THAP5: variants seen among roughly 807,000 people sequenced by gnomAD.
THAP5 encodes the protein THAP domain containing 5.
In THAP5, 26 loss-of-function variants were observed where a neutral mutation model predicts 34.0. The ratio of observed to expected loss-of-function variants is 0.77; its 90% CI spans 0.56 to 1.06. THAP5 has a LOEUF of 1.06. Among genes scored for constraint, THAP5 ranks in the 50% least tolerant of loss-of-function variants. The pLI is 0.00. For missense variants in THAP5, 394 were observed against 452.8 expected (o/e 0.87, Z 1.18); for synonymous variants, 125 against 153.0 (o/e 0.82, Z 1.35).
intron 1 of THAP5, among the ~76,000 whole-genome samples, chr7:108,556,515 A>G (rs768583923): frequency 6.6e-6 from 1 of 152,224 alleles, no homozygotes; most frequent in Non-Finnish European, 1.5e-5. Flanking sequence ...TGCAAGTCCA[A>G]AACCAAGCAG....
downstream of THAP5, among the ~76,000 whole-genome samples, chr7:108,554,071 C>G (rs1864370544): frequency 6.6e-6 from 1 of 152,184 alleles, no homozygotes; most frequent in Non-Finnish European, 1.5e-5. Flanking sequence ...CCCTAACTTT[C>G]CCTCTCTTTG....
At chr7:108,566,781 C>T (rs905248950) in intron 1 of THAP5, among the ~76,000 whole-genome samples, 1 of 152,154 alleles carries the variant, frequency 6.6e-6, no homozygotes, top group African/African-American at 2.4e-5. Context: ...TGTTCCTGTA[C>T]CTGACAATAA....
At chr7:108,558,632 G>A (rs1279647408), downstream of THAP5, among the ~76,000 whole-genome samples, 6 of 151,552 alleles carry the variant, frequency 4.0e-5, no homozygotes, top group African/African-American at 7.3e-5. Flanking sequence ...TCCTGATCTC[G>A]TGATCCGCCA....
chr7:108,564,141 T>A lies in THAP5; in HGVS notation c.*50A>T. The stretch of plus-strand genomic sequence containing the variant: ...CAGTTCACTTTACATGTAGTTTGGT[T>A]TGGCTGGAAAAAGCTTATTTAACAG... On this transcript the variant is annotated 3_prime_UTR_variant, in exon 3 of 3. Coordinates refer to ENST00000415914, the MANE Select transcript of THAP5 (RefSeq NM_001130475.3). The A allele has an allele frequency of 7.0e-7, 1 of 1,426,276 alleles. No individual in the cohort carries two copies. The highest frequency in any genetic ancestry group is 9.5e-7 in the Non-Finnish European group (1 of 1,055,080). 88.4% of individuals were successfully genotyped at this position (1,426,276 alleles called of 1,614,324 possible). A position where few individuals can be genotyped will look rare whatever the true frequency, so the allele number is the denominator to read the frequency against.
At position 108,564,068 on chromosome 7, in the gene THAP5, T is replaced by C. The variant is rs1473796747; in HGVS notation, c.*123A>G. On this transcript the variant is annotated 3_prime_UTR_variant, in exon 3 of 3. Coordinates refer to ENST00000415914, the MANE Select transcript of THAP5 (RefSeq NM_001130475.3). ...CAAGAATAGGATACAGTTCATAACT[T>C]TACAACACTCTCATAGGTTCATTAA... The C allele has an allele frequency of 1.3e-5, 10 of 778,696 alleles. No homozygotes were observed. Among genetic ancestry groups the C allele is most frequent in the Middle Eastern group, 3.3e-4 (1 of 3,060 alleles). The allele number at this position is 778,696 out of a possible 1,614,324, so 48.2% of individuals were successfully genotyped here. A position where few individuals can be genotyped will look rare whatever the true frequency, so the allele number is the denominator to read the frequency against.
chr7:108,549,882 G>T (rs1004003896), downstream of THAP5, among the ~76,000 whole-genome samples: 1 of 152,082 alleles, frequency 6.6e-6, no homozygotes, highest in African/African-American at 2.4e-5. Flanking sequence ...ACCTATTGTT[G>T]TCATTTGGAC....
chr7:108,559,687 T>G (rs1864412638), downstream of THAP5, among the ~76,000 whole-genome samples: 1 of 152,292 alleles, frequency 6.6e-6, no homozygotes, highest in Admixed American at 6.5e-5. Flanking sequence ...TCTGCATGGC[T>G]AGGGAGGCCT....
downstream of THAP5, among the ~76,000 whole-genome samples, chr7:108,559,270 A>T (rs1214019549): frequency 1.3e-5 from 2 of 152,248 alleles, no homozygotes; most frequent in Non-Finnish European, 2.9e-5. Flanking sequence ...CAAAGACAGA[A>T]TGAAAGTCTG....
chr7:108,550,193 G>T (rs1023838134), downstream of THAP5, among the ~76,000 whole-genome samples: 26 of 152,152 alleles, frequency 1.7e-4, no homozygotes, highest in Admixed American at 1.3e-4. Context: ...AGAATTTTCA[G>T]ATTATTAATC....
chr7:108,547,408 C>G, the THAP5 span, among the ~76,000 whole-genome samples: 1 of 152,236 alleles, frequency 6.6e-6, no homozygotes, highest in Non-Finnish European at 1.5e-5. Flanking sequence ...AAACATGAAC[C>G]ATGCACTGAA....
At chr7:108,555,605 C>A (rs1342437781) in intron 1 of THAP5, among the ~76,000 whole-genome samples, 1 of 152,096 alleles carries the variant, frequency 6.6e-6, no homozygotes, top group South Asian at 2.1e-4. Context: ...GTTTAATTGA[C>A]TCACAGTTCC....
intron 2 of THAP5, 128 bp from the exon 3 acceptor site, chr7:108,565,233 A>C (rs1231041591): frequency 1.3e-5 from 9 of 698,028 alleles, no homozygotes; most frequent in East Asian, 1.1e-4. Context: ...AAAAGCTCAG[A>C]GTATATATAC....
At chr7:108,552,233 A>G (rs1864358177), downstream of THAP5, among the ~76,000 whole-genome samples, 1 of 152,124 alleles carries the variant, frequency 6.6e-6, no homozygotes, top group African/African-American at 2.4e-5. Context: ...TAGGGTGACT[A>G]CCGCTTCTTA....
Position 108,569,695 on chromosome 7 carries a change from G to C in THAP5, c.-126C>G. ...CCTGCGCTAGCATTCTGCCGGGAAAGCCGCCTCGTCTGTCGACTCACTTCC... is the reference window on the plus strand; with the variant it reads ...CCTGCGCTAGCATTCTGCCGGGAAACCCGCCTCGTCTGTCGACTCACTTCC... On this transcript the variant is annotated 5_prime_UTR_variant, in exon 1 of 3. Transcript: ENST00000415914. 1 of 1,303,252 alleles carries C rather than the reference G, an allele frequency of 7.7e-7. No homozygotes were observed. Among genetic ancestry groups the C allele is most frequent in the Admixed American group, 2.2e-5 (1 of 44,820 alleles). 80.7% of individuals were successfully genotyped at this position (1,303,252 alleles called of 1,614,324 possible).
downstream of THAP5, among the ~76,000 whole-genome samples, chr7:108,557,669 ATTC>A (rs774150274): frequency 1.3e-5 from 2 of 152,322 alleles, no homozygotes; most frequent in East Asian, 3.9e-4. Context: ...GATCACAACC[ATTC>A]AACAAGTCTC....
the THAP5 span, among the ~76,000 whole-genome samples, chr7:108,548,069 G>T: frequency 6.6e-6 from 1 of 152,162 alleles, no homozygotes; most frequent in Non-Finnish European, 1.5e-5. Flanking sequence ...ACCTTTTCTA[G>T]GTACTGGTTA....
At chr7:108,549,062 C>A in the THAP5 span, among the ~76,000 whole-genome samples, 1 of 150,050 alleles carries the variant, frequency 6.7e-6, no homozygotes, top group African/African-American at 2.5e-5. Context: ...GTGTATTTAC[C>A]TATATTTCTC....
the THAP5 span, among the ~76,000 whole-genome samples, chr7:108,549,103 C>CACAG: frequency 5.2e-4 from 77 of 149,484 alleles, no homozygotes; most frequent in African/African-American, 1.8e-3. Flanking sequence ...CACACACACA[C>CACAG]ACACACACAC....
In THAP5 at chr7:108,569,479, A is replaced by G. The variant is rs947813201; in HGVS notation, c.80+11T>C. On this transcript the variant is annotated intron_variant, in intron 1 of 2. Transcript: ENST00000415914. ...GGCGAGGCTGACGCTTCTGCTCCAG[A>G]AACAACTTACGGATAAAAACTCAGC... 3.2e-6 allele frequency: 5 copies of G among 1,551,688 alleles called. No individual in the cohort carries two copies. Among genetic ancestry groups the G allele is most frequent in the South Asian group, 1.2e-5 (1 of 84,070 alleles).
Sources: allele counts gnomAD v4.1 joint callset (sites outside exome capture counted in the v4.1 genomes callset), GRCh38; gene constraint gnomAD v4.1.1; transcripts MANE v1.5; gene names NCBI Gene and HGNC (gene_info 2026-07-23, HGNC 2026-07-21).